The following GALNT13 variants were observed in gnomAD, a reference collection of about 807,000 sequenced individuals.
The protein encoded by GALNT13 is polypeptide N-acetylgalactosaminyltransferase 13.
In GALNT13, 28 loss-of-function variants were observed where a neutral mutation model predicts 64.2. That is an observed-to-expected ratio of 0.44 (90% CI 0.32 to 0.60). The LOEUF (loss-of-function observed/expected upper bound fraction) is 0.60, where lower values mean the gene tolerates loss of function less well. Among genes scored for constraint, GALNT13 ranks in the 20% least tolerant of loss-of-function variants. The pLI is 0.05. For missense variants in GALNT13, 577 were observed against 669.8 expected (o/e 0.86, Z 1.53); for synonymous variants, 214 against 224.6 (o/e 0.95, Z 0.42).
intron 3 of GALNT13, among the ~76,000 whole-genome samples, chr2:154,124,865 T>G (rs1682164200): frequency 6.6e-6 from 1 of 152,120 alleles, no homozygotes; most frequent in Non-Finnish European, 1.5e-5. Context: ...GAATTGAGTT[T>G]TAGATTGCTG....
chr2:154,118,504 A>G (rs1407302043), intron 3 of GALNT13, among the ~76,000 whole-genome samples: 1 of 151,656 alleles, frequency 6.6e-6, no homozygotes, highest in African/African-American at 2.4e-5. Context: ...AAATGTAATA[A>G]ATTTACATTC....
At chr2:153,138,939 T>A in the GALNT13 span, among the ~76,000 whole-genome samples, 756 of 152,156 alleles carry the variant, frequency 5.0e-3, 4 homozygotes, top group Middle Eastern at 0.024. Context: ...GCATATCCAA[T>A]TTACCACTTT....
chr2:154,099,007 A>C (rs1347435901), intron 3 of GALNT13, among the ~76,000 whole-genome samples: 1 of 152,036 alleles, frequency 6.6e-6, no homozygotes, highest in Non-Finnish European at 1.5e-5. Context: ...GCCGTTTCCC[A>C]TAGAGGTTAT....
intron 11 of GALNT13, among the ~76,000 whole-genome samples, chr2:154,424,379 A>G (rs894165822): frequency 3.3e-5 from 5 of 152,206 alleles, no homozygotes; most frequent in Admixed American, 3.3e-4. Flanking sequence ...TTGCAAAAAA[A>G]GAATAATACT....
At chr2:154,072,021 C>T (rs561173398) in intron 3 of GALNT13, among the ~76,000 whole-genome samples, 6 of 152,034 alleles carry the variant, frequency 3.9e-5, no homozygotes, top group African/African-American at 7.2e-5. Context: ...ATCAACAATA[C>T]GAATATCCAG....
the GALNT13 span, among the ~76,000 whole-genome samples, chr2:153,131,050 A>G: frequency 6.6e-6 from 1 of 152,200 alleles, no homozygotes; most frequent in South Asian, 2.1e-4. Flanking sequence ...TCCTGACCAG[A>G]TAACTTCTAA....
At chr2:153,174,880 G>A in the GALNT13 span, among the ~76,000 whole-genome samples, 1 of 151,342 alleles carries the variant, frequency 6.6e-6, no homozygotes, top group African/African-American at 2.4e-5. Flanking sequence ...AATTCTTCCA[G>A]CCTTCACCCA....
intron 4 of GALNT13, among the ~76,000 whole-genome samples, chr2:154,216,632 CTTAAT>C (rs917719722): frequency 2.6e-5 from 4 of 151,838 alleles, no homozygotes; most frequent in Non-Finnish European, 4.4e-5. Flanking sequence ...TTTCTTTGTT[CTTAAT>C]TTAAGACAAG....
intron 10 of GALNT13, 48 bp downstream of exon 10, chr2:154,396,178 G>C (rs747300424): frequency 8.2e-6 from 11 of 1,345,552 alleles, no homozygotes; most frequent in Non-Finnish European, 1.1e-5. Context: ...TTTGCAAATG[G>C]AGCAATTTCT....
chr2:153,159,408 A>G, the GALNT13 span: 1 of 152,394 alleles, frequency 6.6e-6, no homozygotes, highest in South Asian at 2.1e-4. Flanking sequence ...GAGAAGTCAC[A>G]GCAGGCTGTG....
intron 1 of GALNT13, among the ~76,000 whole-genome samples, chr2:153,893,697 A>G (rs1045036330): frequency 6.6e-6 from 1 of 152,038 alleles, no homozygotes; most frequent in Non-Finnish European, 1.5e-5. Context: ...TATTTGGGAC[A>G]TTATTTTTAT....
At chr2:154,168,582 C>A (rs1218444833) in intron 4 of GALNT13, among the ~76,000 whole-genome samples, 1 of 151,346 alleles carries the variant, frequency 6.6e-6, no homozygotes, top group Non-Finnish European at 1.5e-5. Context: ...CACCTGTAAT[C>A]CCAGCACTTT....
chr2:153,146,436 A>G, the GALNT13 span, among the ~76,000 whole-genome samples: 1 of 151,896 alleles, frequency 6.6e-6, no homozygotes, highest in Non-Finnish European at 1.5e-5. Flanking sequence ...TTGTCCTAAG[A>G]GCCCCGAAAG....
the GALNT13 span, among the ~76,000 whole-genome samples, chr2:153,567,977 A>G: frequency 6.6e-6 from 1 of 152,208 alleles, no homozygotes; most frequent in Non-Finnish European, 1.5e-5. Flanking sequence ...CAAGACAGAG[A>G]AACGTGTTAG....
At chr2:154,003,694 G>A (rs1574308045) in intron 3 of GALNT13, among the ~76,000 whole-genome samples, 1 of 152,110 alleles carries the variant, frequency 6.6e-6, no homozygotes, top group Admixed American at 6.5e-5. Flanking sequence ...CCTGGTGGCA[G>A]GTGATTGGAT....
chr2:154,292,595 C>G (rs567270079), intron 8 of GALNT13, among the ~76,000 whole-genome samples: 23 of 152,142 alleles, frequency 1.5e-4, no homozygotes, highest in Non-Finnish European at 2.4e-4. Context: ...ACTGAGGTCA[C>G]CCAGCTAGTA....
intron 4 of GALNT13, among the ~76,000 whole-genome samples, chr2:154,225,028 A>G (rs1198739247): frequency 6.6e-6 from 1 of 152,082 alleles, no homozygotes; most frequent in East Asian, 1.9e-4. Context: ...AAAGCAAGAC[A>G]AGCAAATAAA....
the GALNT13 span, among the ~76,000 whole-genome samples, chr2:153,107,104 A>G: frequency 6.6e-6 from 1 of 152,186 alleles, no homozygotes; most frequent in Admixed American, 6.6e-5. Flanking sequence ...AATTTGGGCA[A>G]CTTGGTGGCC....
chr2:154,146,603 A>G (rs1255315608), intron 4 of GALNT13, among the ~76,000 whole-genome samples: 1 of 152,058 alleles, frequency 6.6e-6, no homozygotes, highest in Non-Finnish European at 1.5e-5. Flanking sequence ...AAAAGCAGGC[A>G]CAGGAAACCT....
Sources: allele counts gnomAD v4.1 joint callset (sites outside exome capture counted in the v4.1 genomes callset), GRCh38; gene constraint gnomAD v4.1.1; transcripts MANE v1.5; gene names NCBI Gene and HGNC (gene_info 2026-07-23, HGNC 2026-07-21).